Variants in IMMP2L observed in about 807,000 individuals in gnomAD.
IMMP2L encodes the protein inner mitochondrial membrane peptidase subunit 2, also known as mitochondrial inner membrane protease subunit 2.
In IMMP2L, 18 loss-of-function variants were observed where a neutral mutation model predicts 19.3. The observed-to-expected ratio is 0.93, with a 90% CI of 0.64 to 1.38. The LOEUF (loss-of-function observed/expected upper bound fraction) is 1.38, where lower values mean the gene tolerates loss of function less well. Ranked by LOEUF, IMMP2L falls within the 40% of genes most tolerant of loss-of-function variation. The pLI, the probability that IMMP2L is intolerant of heterozygous loss-of-function variation, is 0.00. For missense variants in IMMP2L, 233 were observed against 218.2 expected (o/e 1.07, Z -0.43); for synonymous variants, 76 against 73.0 (o/e 1.04, Z -0.21).
At chr7:111,435,965 C>A (rs1199775954) in intron 3 of IMMP2L, among the ~76,000 whole-genome samples, 4 of 151,776 alleles carry the variant, frequency 2.6e-5, no homozygotes, top group Non-Finnish European at 5.9e-5. Context: ...TACTTCCTCT[C>A]TCCCAATCCC....
chr7:111,525,247 G>A (rs1293625071), intron 1 of IMMP2L, among the ~76,000 whole-genome samples: 6 of 152,112 alleles, frequency 3.9e-5, no homozygotes, highest in Non-Finnish European at 7.4e-5. Context: ...CATGTCACAT[G>A]CCAAAGTCCC....
intron 1 of IMMP2L, among the ~76,000 whole-genome samples, chr7:111,545,143 T>A (rs1056798476): frequency 2.6e-5 from 4 of 152,078 alleles, no homozygotes; most frequent in Non-Finnish European, 4.4e-5. Context: ...TTTTAAATAT[T>A]AATTTTTTTT....
At chr7:111,061,381 G>C (rs1793998721) in intron 3 of IMMP2L, among the ~76,000 whole-genome samples, 1 of 152,118 alleles carries the variant, frequency 6.6e-6, no homozygotes, top group Admixed American at 6.5e-5. Context: ...TTGTTTTCTG[G>C]GCAAGGAGGA....
chr7:111,399,789 C>T (rs1468172057), intron 3 of IMMP2L, among the ~76,000 whole-genome samples: 1 of 152,062 alleles, frequency 6.6e-6, no homozygotes, highest in Admixed American at 6.6e-5. Flanking sequence ...CATGTACTAG[C>T]ATATCCTATC....
At chr7:111,407,688 A>C (rs1389883331) in intron 3 of IMMP2L, among the ~76,000 whole-genome samples, 2 of 151,990 alleles carry the variant, frequency 1.3e-5, no homozygotes, top group Non-Finnish European at 2.9e-5. Flanking sequence ...CATGGGGAGT[A>C]TTTTCAGGAT....
chr7:111,344,777 T>G (rs1006216378), intron 3 of IMMP2L, among the ~76,000 whole-genome samples: 1 of 152,158 alleles, frequency 6.6e-6, no homozygotes, highest in Non-Finnish European at 1.5e-5. Flanking sequence ...TCAATATAGC[T>G]GAGTTTTTAA....
intron 3 of IMMP2L, among the ~76,000 whole-genome samples, chr7:111,398,393 T>C (rs909276500): frequency 4.6e-5 from 7 of 152,046 alleles, no homozygotes; most frequent in African/African-American, 1.4e-4. Flanking sequence ...ATCATCTCAG[T>C]AGGTAAGAAG....
At chr7:110,973,008 C>G (rs1820310609) in intron 3 of IMMP2L, among the ~76,000 whole-genome samples, 1 of 151,978 alleles carries the variant, frequency 6.6e-6, no homozygotes, top group African/African-American at 2.4e-5. Flanking sequence ...AAAATATTCC[C>G]AGTCAATAGA....
rs75882712 is a variant in IMMP2L at position 111,112,783 on chromosome 7, G to A, written c.240-149218C>T. On this transcript the variant is annotated intron_variant, in intron 3 of 5. Transcript: ENST00000405709. ...AAATACAGCCCACATCGCTATTATCGTCTTCCTTAGGTATAGTAACAGAAA... is the reference window on the plus strand; with the variant it reads ...AAATACAGCCCACATCGCTATTATCATCTTCCTTAGGTATAGTAACAGAAA... Among the ~76,000 whole-genome samples the A allele has an allele frequency of 4.0e-4, 61 of 152,164 alleles. No individual in the cohort carries two copies. The East Asian group carries it at 9.1e-3, about 23-fold the overall frequency.
intron 5 of IMMP2L, among the ~76,000 whole-genome samples, chr7:110,742,585 G>A (rs1256704654): frequency 6.6e-6 from 1 of 151,880 alleles, no homozygotes; most frequent in South Asian, 2.1e-4. Context: ...TGGCTAACAC[G>A]CTGAAACCCC....
chr7:111,029,206 G>T (rs561531928), intron 3 of IMMP2L, among the ~76,000 whole-genome samples: 22 of 152,174 alleles, frequency 1.4e-4, no homozygotes, highest in African/African-American at 5.3e-4. Flanking sequence ...CATAACCTAG[G>T]TACAACACAG....
chr7:110,941,121 A>G (rs905262210), intron 4 of IMMP2L, among the ~76,000 whole-genome samples: 3 of 152,192 alleles, frequency 2.0e-5, no homozygotes, highest in African/African-American at 7.2e-5. Flanking sequence ...GGTTAAATGC[A>G]TCTCTCAGAA....
At chr7:111,269,039 C>A (rs1442885049) in intron 3 of IMMP2L, among the ~76,000 whole-genome samples, 1 of 152,046 alleles carries the variant, frequency 6.6e-6, no homozygotes, top group Non-Finnish European at 1.5e-5. Context: ...AAAGTAAGGA[C>A]AATACAGGGA....
chr7:111,484,527 C>A (rs1237482795), intron 3 of IMMP2L, among the ~76,000 whole-genome samples: 2 of 151,992 alleles, frequency 1.3e-5, no homozygotes. Context: ...AGCTTTAAAT[C>A]GAACATTTTA....
At chr7:110,701,967 C>T (rs561533213) in intron 5 of IMMP2L, among the ~76,000 whole-genome samples, 2 of 151,978 alleles carry the variant, frequency 1.3e-5, no homozygotes, top group Admixed American at 6.6e-5. Flanking sequence ...GACAGTGTCT[C>T]ACTCTGTCAT....
At chr7:111,465,355 C>T (rs1047197426) in intron 3 of IMMP2L, among the ~76,000 whole-genome samples, 27 of 151,870 alleles carry the variant, frequency 1.8e-4, no homozygotes, top group Admixed American at 5.3e-4. Context: ...GGGTCTATTC[C>T]GGCTTTTAAA....
At chr7:110,978,336 G>T (rs1057100862) in intron 3 of IMMP2L, among the ~76,000 whole-genome samples, 1 of 151,820 alleles carries the variant, frequency 6.6e-6, no homozygotes, top group African/African-American at 2.4e-5. Context: ...AAACAATTTT[G>T]CCTATATTTT....
chr7:110,866,013 A>G (rs776060787), intron 5 of IMMP2L, among the ~76,000 whole-genome samples: 1 of 152,098 alleles, frequency 6.6e-6, no homozygotes, highest in Non-Finnish European at 1.5e-5. Flanking sequence ...GTATCTCTGA[A>G]TAACATTAAC....
chr7:110,880,579 T>C (rs1489326200), intron 5 of IMMP2L, among the ~76,000 whole-genome samples: 1 of 152,020 alleles, frequency 6.6e-6, no homozygotes, highest in Non-Finnish European at 1.5e-5. Flanking sequence ...ATAGTAGACT[T>C]TTTTTGTCTT....
Sources: gnomAD v4.1 joint callset for allele counts (sites outside exome capture counted in the v4.1 genomes callset) on GRCh38, gnomAD v4.1.1 for gene constraint, MANE v1.5 for transcripts, NCBI Gene and HGNC (gene_info 2026-07-23, HGNC 2026-07-21) for gene names.